The following SRSF4 variants were observed in gnomAD, a reference collection of about 807,000 sequenced individuals.
SRSF4 encodes the protein serine and arginine rich splicing factor 4.
Under a neutral mutation model 48.8 loss-of-function variants are expected in SRSF4, and 12 were observed. That is an observed-to-expected ratio of 0.25 (90% confidence interval 0.16 to 0.40). The LOEUF (loss-of-function observed/expected upper bound fraction) is 0.40, where lower values mean the gene tolerates loss of function less well. Among genes scored for constraint, SRSF4 ranks in the 10% least tolerant of loss-of-function variants. The probability of loss-of-function intolerance (pLI) is 1.00; values close to 1 mark genes in which losing one functional copy is unlikely to be tolerated. For missense variants in SRSF4, 466 were observed against 667.1 expected (o/e 0.70, Z 3.32); for synonymous variants, 248 against 232.5 (o/e 1.07, Z -0.61).
At chr1:29,176,048 C>T (rs1672845414) in intron 1 of SRSF4, among the ~76,000 whole-genome samples, 1 of 152,018 alleles carries the variant, frequency 6.6e-6, no homozygotes, top group Non-Finnish European at 1.5e-5. Flanking sequence ...GTCAGGAGAT[C>T]AAGACCATCC....
chr1:29,163,182 AC>A (rs980030133), intron 1 of SRSF4, among the ~76,000 whole-genome samples: 6 of 152,230 alleles, frequency 3.9e-5, no homozygotes, highest in African/African-American at 1.2e-4. Context: ...AAAAATCCCT[AC>A]AAACCTCCCC....
chr1:29,161,333 T>G (rs1672591652), intron 1 of SRSF4, among the ~76,000 whole-genome samples: 1 of 152,222 alleles, frequency 6.6e-6, no homozygotes, highest in Non-Finnish European at 1.5e-5. Context: ...TTTCAAGAAA[T>G]ATTTAGTTTG....
chr1:29,181,263 G>A (rs1184421690), intron 1 of SRSF4, among the ~76,000 whole-genome samples: 1 of 152,218 alleles, frequency 6.6e-6, no homozygotes, highest in African/African-American at 2.4e-5. Flanking sequence ...ATTTCCAGTA[G>A]TCCTCAGAGC....
At chr1:29,153,384 G>A (rs1027836406) in intron 4 of SRSF4, among the ~76,000 whole-genome samples, 14 of 152,088 alleles carry the variant, frequency 9.2e-5, no homozygotes, top group Non-Finnish European at 2.1e-4. Context: ...CTGACCTCAG[G>A]TGATCCACTC....
intron 1 of SRSF4, chr1:29,173,180 C>G (rs2151823817): frequency 7.9e-6 from 1 of 126,774 alleles, no homozygotes; most frequent in Non-Finnish European, 1.6e-5. Flanking sequence ...CTCTGTCATC[C>G]AGGCTGGAGT....
At chr1:29,160,561 T>G (rs746948295) in intron 1 of SRSF4, 44 bp from the exon 2 acceptor site, 2 of 1,555,004 alleles carry the variant, frequency 1.3e-6, no homozygotes, top group African/African-American at 2.8e-5. Flanking sequence ...CATTTTGACA[T>G]CCAGCTTCAC....
intron 1 of SRSF4, among the ~76,000 whole-genome samples, chr1:29,164,610 A>T (rs1169852767): frequency 6.6e-6 from 1 of 152,236 alleles, no homozygotes; most frequent in Non-Finnish European, 1.5e-5. Context: ...CTCTAATTCT[A>T]ACAGCAGAAA....
At chr1:29,154,311 A>G (rs1672465203) in intron 4 of SRSF4, among the ~76,000 whole-genome samples, 2 of 151,274 alleles carry the variant, frequency 1.3e-5, no homozygotes, top group Non-Finnish European at 3.0e-5. Flanking sequence ...TGATCCACCC[A>G]CCTCGGCCTC....
intron 1 of SRSF4, chr1:29,168,961 A>T (rs1672706682): frequency 6.6e-6 from 1 of 152,252 alleles, no homozygotes; most frequent in African/African-American, 2.4e-5. Flanking sequence ...TTAAAGCAGC[A>T]ACCAGAAAAG....
At chr1:29,160,632 C>G in intron 1 of SRSF4, 115 bp from the exon 2 acceptor site, 1 of 1,237,250 alleles carries the variant, frequency 8.1e-7, no homozygotes, top group Non-Finnish European at 1.1e-6. Flanking sequence ...ATTTTGCAAA[C>G]TAAGGATCAA....
intron 1 of SRSF4, among the ~76,000 whole-genome samples, chr1:29,176,238 C>T (rs761240466): frequency 5.9e-5 from 9 of 151,766 alleles, no homozygotes; most frequent in Admixed American, 1.3e-4. Context: ...GGCGACAGAG[C>T]AAGACTCCAT....
intron 1 of SRSF4, among the ~76,000 whole-genome samples, chr1:29,177,277 C>CT (rs368695927): frequency 3.5e-5 from 5 of 141,554 alleles, no homozygotes; most frequent in Admixed American, 2.1e-4. Context: ...TACAGTAACT[C>CT]TTTTTGTTTT....
chr1:29,167,216 T>A (rs567540213), intron 1 of SRSF4, among the ~76,000 whole-genome samples: 14 of 152,364 alleles, frequency 9.2e-5, no homozygotes, highest in African/African-American at 3.4e-4. Context: ...CTCCTAAGTA[T>A]CTTTATGTCA....
intron 3 of SRSF4, 121 bp from the exon 4 acceptor site, chr1:29,155,031 T>A: frequency 1.1e-6 from 1 of 915,370 alleles, no homozygotes. Flanking sequence ...AGTTTACTCT[T>A]AAATATTTTC....
chr1:29,178,353 C>CTTTTTTTTTTT, intron 1 of SRSF4, among the ~76,000 whole-genome samples: 1 of 127,900 alleles, frequency 7.8e-6, no homozygotes, highest in East Asian at 2.3e-4. Context: ...GTTTCAATTA[C>CTTTTTTTTTTT]TTTTTTTTTT....
At chr1:29,155,163 G>A (rs1672477947) in intron 3 of SRSF4, among the ~76,000 whole-genome samples, 1 of 152,106 alleles carries the variant, frequency 6.6e-6, no homozygotes, top group South Asian at 2.1e-4. Flanking sequence ...AAGTGTGGTG[G>A]CTCATGCCTG....
Position 29,154,621 on chromosome 1 carries a change from A to C in SRSF4, c.578+75T>G. On this transcript the variant is annotated intron_variant, in intron 4 of 5. Coordinates refer to ENST00000373795, the MANE Select transcript of SRSF4 (RefSeq NM_005626.5). Reference sequence around the variant, plus strand: ...CATGTTATTAAGAACTCAACAGGAAAATGTAAATAAATTATCTATGTGCTC... The same window carrying C: ...CATGTTATTAAGAACTCAACAGGAACATGTAAATAAATTATCTATGTGCTC... The C allele has an allele frequency of 1.4e-6, 2 of 1,421,104 alleles. 1 individual carries two copies. The highest frequency in any genetic ancestry group is 2.6e-5 in the South Asian group (2 of 77,850). 88.0% of individuals were successfully genotyped at this position (1,421,104 alleles called of 1,614,324 possible).
intron 1 of SRSF4, among the ~76,000 whole-genome samples, chr1:29,177,212 T>C (rs1477702113): frequency 6.6e-6 from 1 of 151,866 alleles, no homozygotes; most frequent in Non-Finnish European, 1.5e-5. Flanking sequence ...AAACAAGTGC[T>C]GCTAATATTG....
In SRSF4 at chr1:29,160,521, G is replaced by T. The variant is rs370259742; in HGVS notation, c.108-4C>A. 2 of 1,598,874 alleles carry T rather than the reference G, an allele frequency of 1.3e-6. No individual in the cohort carries two copies. Among genetic ancestry groups the T allele is most frequent in the Non-Finnish European group, 8.5e-7 (1 of 1,174,280 alleles). On this transcript the variant is annotated splice_region_variant and splice_polypyrimidine_tract_variant and intron_variant, in intron 1 of 5. Transcript: ENST00000373795. ...ATCAAACTCCACAAAACCATATCTA[G>T]AAGAGAGCAAAGAAAATACTGGTTG...
Sources: gnomAD v4.1 joint callset for allele counts (sites outside exome capture counted in the v4.1 genomes callset) on GRCh38, gnomAD v4.1.1 for gene constraint, MANE v1.5 for transcripts, NCBI Gene and HGNC (gene_info 2026-07-23, HGNC 2026-07-21) for gene names.